The following KCNH8 variants were observed in gnomAD, a reference collection of about 807,000 sequenced individuals.
KCNH8 encodes the protein voltage-gated delayed rectifier potassium channel KCNH8.
Under a neutral mutation model 103.6 loss-of-function variants are expected in KCNH8, and 70 were observed. The ratio of observed to expected loss-of-function variants is 0.68; its 90% CI spans 0.56 to 0.82. The LOEUF (loss-of-function observed/expected upper bound fraction) is 0.82. Among genes scored for constraint, KCNH8 ranks in the 40% least tolerant of loss-of-function variants. The pLI is 0.00. For synonymous variants in KCNH8, 498 were observed against 489.4 expected (o/e 1.02, Z -0.23); for missense variants, 1,217 against 1,329.9 (o/e 0.92, Z 1.32).
intron 1 of KCNH8, among the ~76,000 whole-genome samples, chr3:19,189,733 T>C (rs116595384): frequency 6.6e-6 from 1 of 151,992 alleles, no homozygotes; most frequent in African/African-American, 2.4e-5. Flanking sequence ...AATTACAAAA[T>C]TATGACTGGT....
intron 15 of KCNH8, among the ~76,000 whole-genome samples, chr3:19,525,301 A>G (rs2069045529): frequency 6.6e-6 from 1 of 151,886 alleles, no homozygotes; most frequent in Non-Finnish European, 1.5e-5. Flanking sequence ...CATCAACTTG[A>G]GCTTATTAGA....
intron 1 of KCNH8, among the ~76,000 whole-genome samples, chr3:19,164,763 T>A (rs1282236362): frequency 2.0e-5 from 3 of 152,228 alleles, no homozygotes; most frequent in Non-Finnish European, 4.4e-5. Context: ...TGGCAATGTT[T>A]TATAAACAGT....
rs116701291 is a variant in KCNH8 at position 19,445,356 on chromosome 3, C to T, written c.1376-4750C>T. On this transcript the variant is annotated intron_variant, in intron 8 of 15. Transcript: ENST00000328405. Reference sequence around the variant, plus strand: ...TGATTGTGAAGGGGACACAGGGAAGCCTCCAGGATACTAATATTTGGTTTA... The same window carrying T: ...TGATTGTGAAGGGGACACAGGGAAGTCTCCAGGATACTAATATTTGGTTTA... Among the ~76,000 whole-genome samples the T allele has an allele frequency of 3.1e-3, 471 of 151,518 alleles. 4 individuals carry two copies. Among genetic ancestry groups the T allele is most frequent in the African/African-American group, 0.01 (428 of 41,382 alleles).
intron 3 of KCNH8, among the ~76,000 whole-genome samples, chr3:19,298,443 A>G (rs2065022322): frequency 1.3e-5 from 2 of 152,240 alleles, no homozygotes; most frequent in Non-Finnish European, 2.9e-5. Flanking sequence ...ATAGTTTTGA[A>G]GTGAAGATAA....
chr3:19,227,818 G>T (rs2063948786), intron 1 of KCNH8, among the ~76,000 whole-genome samples: 1 of 152,100 alleles, frequency 6.6e-6, no homozygotes, highest in African/African-American at 2.4e-5. Flanking sequence ...TTGGTTGCAA[G>T]TCTGTCTGAC....
chr3:19,384,468 C>T (rs925763572), intron 5 of KCNH8, among the ~76,000 whole-genome samples: 5 of 152,086 alleles, frequency 3.3e-5, no homozygotes, highest in Non-Finnish European at 7.4e-5. Context: ...TCTATTAGGA[C>T]CAATATGTAT....
At chr3:19,422,687 T>C (rs578241749) in intron 7 of KCNH8, among the ~76,000 whole-genome samples, 21 of 152,218 alleles carry the variant, frequency 1.4e-4, no homozygotes, top group African/African-American at 5.1e-4. Context: ...ATTTAACAAA[T>C]ATTAATTGAG....
intron 2 of KCNH8, among the ~76,000 whole-genome samples, chr3:19,269,544 T>C (rs533722544): frequency 2.0e-5 from 3 of 152,146 alleles, no homozygotes; most frequent in African/African-American, 7.2e-5. Flanking sequence ...TTTTTAAAGG[T>C]ACCTATTCTT....
At chr3:19,374,444 T>C (rs911086421) in intron 5 of KCNH8, among the ~76,000 whole-genome samples, 1 of 152,068 alleles carries the variant, frequency 6.6e-6, no homozygotes, top group African/African-American at 2.4e-5. Flanking sequence ...CTGCCTTTTT[T>C]TGTTTTCCAT....
At chr3:19,302,784 T>A (rs2065080140) in intron 3 of KCNH8, among the ~76,000 whole-genome samples, 1 of 152,218 alleles carries the variant, frequency 6.6e-6, no homozygotes, top group Admixed American at 6.5e-5. Context: ...ATTCTATTTC[T>A]CTTGAGTCTA....
intron 8 of KCNH8, among the ~76,000 whole-genome samples, chr3:19,446,566 T>C (rs2067365384): frequency 6.6e-6 from 1 of 151,916 alleles, no homozygotes; most frequent in Non-Finnish European, 1.5e-5. Context: ...AGTGTACTTA[T>C]AACCAAGAAT....
chr3:19,505,735 GATGATATTCTGAGATATA>G (rs2068679005), intron 11 of KCNH8, among the ~76,000 whole-genome samples: 1 of 152,104 alleles, frequency 6.6e-6, no homozygotes, highest in Non-Finnish European at 1.5e-5. Context: ...GGTTTGCATG[GATGATATTCTGAGATATA>G]TTTTCCAGGT....
In KCNH8 at chr3:19,286,535, C is replaced by T. The variant is rs552274969; in HGVS notation, c.442+5206C>T. ...GAAAATAAATTTCTGTTGTTTAAGC[C>T]ACTCAGTCTGAGGTACAGTCTCCCT... On this transcript the variant is annotated intron_variant, in intron 3 of 15. Transcript: ENST00000328405. Among the ~76,000 whole-genome samples the T allele has an allele frequency of 2.0e-5, 3 of 152,280 alleles. No individual in the cohort carries two copies. In the South Asian group the frequency reaches 6.2e-4, roughly 32 times the overall value.
rs767187550 is a variant in KCNH8, at chr3:19,202,547, C to T, written c.77-51107C>T. Among the ~76,000 whole-genome samples, 9 of 152,130 alleles carry T rather than the reference C, an allele frequency of 5.9e-5. No individual in the cohort carries two copies. In the East Asian group the frequency reaches 1.2e-3, roughly 20 times the overall value. On this transcript the variant is annotated intron_variant, in intron 1 of 15. Coordinates refer to ENST00000328405, the MANE Select transcript of KCNH8 (RefSeq NM_144633.3). ...AGGGGCTGAGAACAGCTAACTCCTG[C>T]GCCAGATGCACAAAGCTGCCAAGCC... is the stretch of plus-strand genomic sequence containing the variant.
At chr3:19,216,419 A>G (rs1339210104) in intron 1 of KCNH8, among the ~76,000 whole-genome samples, 7 of 152,222 alleles carry the variant, frequency 4.6e-5, no homozygotes, top group Admixed American at 3.3e-4. Context: ...GAAATGGCAG[A>G]TATTCTCAAT....
chr3:19,424,696 G>A (rs1048928165), intron 7 of KCNH8, among the ~76,000 whole-genome samples: 1 of 152,040 alleles, frequency 6.6e-6, no homozygotes, highest in Non-Finnish European at 1.5e-5. Flanking sequence ...CTCTAACTAT[G>A]CATCTGACAA....
intron 5 of KCNH8, among the ~76,000 whole-genome samples, chr3:19,374,671 G>C (rs1305229279): frequency 2.0e-5 from 3 of 151,592 alleles, no homozygotes; most frequent in Non-Finnish European, 2.9e-5. Flanking sequence ...TTCTTTTGCT[G>C]GTTAGTTGAT....
chr3:19,251,576 A>G (rs193189104), intron 1 of KCNH8, among the ~76,000 whole-genome samples: 1 of 152,208 alleles, frequency 6.6e-6, no homozygotes, highest in African/African-American at 2.4e-5. Flanking sequence ...TTAAAAGGAG[A>G]TGGAGAAACA....
chr3:19,322,542 G>A (rs1391921657), intron 3 of KCNH8, among the ~76,000 whole-genome samples: 1 of 152,096 alleles, frequency 6.6e-6, no homozygotes, highest in Non-Finnish European at 1.5e-5. Context: ...TTGTTTGTAA[G>A]CTTTCTGTTG....
Sources: allele counts gnomAD v4.1 joint callset (sites outside exome capture counted in the v4.1 genomes callset), GRCh38; gene constraint gnomAD v4.1.1; transcripts MANE v1.5; gene names NCBI Gene and HGNC (gene_info 2026-07-23, HGNC 2026-07-21).